POM121: variants seen among roughly 807,000 people sequenced by gnomAD.
The protein encoded by POM121 is POM121 transmembrane nucleoporin.
In POM121, 32 loss-of-function variants were observed where a neutral mutation model predicts 81.3. The ratio of observed to expected loss-of-function variants is 0.39; its 90% confidence interval spans 0.30 to 0.53. The LOEUF is 0.53. Ranked by LOEUF, POM121 falls within the 20% of genes least tolerant of loss-of-function variation. The pLI, the probability that POM121 is intolerant of heterozygous loss-of-function variation, is 0.66. For missense variants in POM121, 1,138 were observed against 1,614.6 expected (o/e 0.70, Z 5.06); for synonymous variants, 514 against 694.2 (o/e 0.74, Z 4.08).
In POM121 at chr7:72,925,232, G is replaced by A. The variant is rs1554496891; in HGVS notation, c.111G>A (p.Leu37=). 4 of 1,533,594 alleles carry A rather than the reference G, an allele frequency of 2.6e-6. No homozygotes were observed. The highest frequency in any genetic ancestry group is 2.6e-6 in the Non-Finnish European group (3 of 1,146,084). 95.0% of individuals were successfully genotyped at this position (1,533,594 alleles called of 1,614,324 possible). The change falls in exon 1 of 13, where the codon CTG becomes CTA. Residue 37 remains leucine, a synonymous_variant. Coordinates refer to ENST00000434423, the MANE Select transcript of POM121 (RefSeq NM_001387691.1). ...GCGGPARAVL[L]GLSLVGLLLY... ...GCGGGCCGGCCAGGGCGGTGCTCCTGGGCCTGTCGCTGGTTGGCCTCTTAC... is the reference window on the plus strand; with the variant it reads ...GCGGGCCGGCCAGGGCGGTGCTCCTAGGCCTGTCGCTGGTTGGCCTCTTAC...
intron 10 of POM121, 106 bp from the exon 11 acceptor site, chr7:72,941,731 C>G: frequency 7.3e-7 from 1 of 1,370,008 alleles, no homozygotes; most frequent in Non-Finnish European, 1.0e-6. Flanking sequence ...TTGACTGACT[C>G]TTGGATCCCA....
At chr7:72,895,645 C>T (rs1416378571) in intron 3 of POM121, among the ~76,000 whole-genome samples, 3 of 152,142 alleles carry the variant, frequency 2.0e-5, no homozygotes. Flanking sequence ...TTAGGCCGGG[C>T]GCAGTGGCTC....
chr7:72,893,400 G>A (rs1471694128), intron 3 of POM121, among the ~76,000 whole-genome samples: 2 of 151,802 alleles, frequency 1.3e-5, no homozygotes, highest in South Asian at 2.1e-4. Context: ...TGGCAAACAC[G>A]GTGAAACCCC....
chr7:72,930,540 G>A (rs1554498424), intron 5 of POM121, among the ~76,000 whole-genome samples: 1 of 152,242 alleles, frequency 6.6e-6, no homozygotes, highest in Non-Finnish European at 1.5e-5. Context: ...AAGGTAGACT[G>A]AGTCCAGCTT....
chr7:72,948,834 G>A (rs374816821), downstream of POM121: 4 of 1,545,240 alleles, frequency 2.6e-6, no homozygotes, highest in Non-Finnish European at 2.7e-6. Context: ...CCCCAATGCT[G>A]GGTAAGAGAG....
intron 3 of POM121, among the ~76,000 whole-genome samples, chr7:72,894,982 C>T (rs1303904450): frequency 4.3e-4 from 66 of 152,242 alleles, no homozygotes; most frequent in South Asian, 1.7e-3. Flanking sequence ...CTGCCCACCA[C>T]GCCCAGCTAA....
In POM121 at chr7:72,947,013, C is replaced by CTG; in HGVS notation, c.*779_*780insTG. On this transcript the variant is annotated 3_prime_UTR_variant, in exon 13 of 13. Transcript: ENST00000434423. ...CACCGCTGCTTCAGCTGCCTCCTCGCCCAGCTACCCTTTGGCCCCATTGGG... is the reference window on the plus strand; with the variant it reads ...CACCGCTGCTTCAGCTGCCTCCTCGCTGCCAGCTACCCTTTGGCCCCATTGGG... 1.1e-6 allele frequency: 1 copy of CTG among 923,046 alleles called. No individual in the cohort carries two copies. Among genetic ancestry groups the CTG allele is most frequent in the Non-Finnish European group, 1.3e-6 (1 of 788,420 alleles). The allele number at this position is 923,046 out of a possible 1,614,324, so 57.2% of individuals were successfully genotyped here.
chr7:72,936,524 A>G (rs1796526803), intron 5 of POM121, among the ~76,000 whole-genome samples: 1 of 152,080 alleles, frequency 6.6e-6, no homozygotes, highest in Non-Finnish European at 1.5e-5. Context: ...TGATCCGCCC[A>G]CCTTGGCCTC....
intron 1 of POM121, among the ~76,000 whole-genome samples, chr7:72,881,094 A>T: frequency 8.3e-6 from 1 of 120,356 alleles, no homozygotes; most frequent in African/African-American, 3.1e-5. Flanking sequence ...TTTTTGAGAC[A>T]GTGTCTCTCA....
intron 3 of POM121, among the ~76,000 whole-genome samples, chr7:72,899,307 C>T (rs1379766185): frequency 3.3e-5 from 5 of 151,936 alleles, no homozygotes; most frequent in African/African-American, 4.8e-5. Context: ...TTCTGATACC[C>T]GCAGCACATT....
chr7:72,897,458 A>G (rs1179628648), intron 3 of POM121, among the ~76,000 whole-genome samples: 2 of 152,226 alleles, frequency 1.3e-5, no homozygotes, highest in Non-Finnish European at 2.9e-5. Flanking sequence ...GGGAGCAGGG[A>G]GTCATGTCAC....
In POM121 at chr7:72,945,638, A is replaced by G. The variant is rs532989829; in HGVS notation, c.3582A>G (p.Thr1194=). The part of the protein sequence containing the change: ...GLNTPAPGVG[T]SGSSLSFGAS... ...ACACCCCTGCGCCTGGAGTGGGCAC[A>G]TCAGGCAGCAGCCTCTCCTTTGGGG... is the stretch of plus-strand genomic sequence containing the variant. Residue 1194 remains threonine, a synonymous_variant, in exon 12 of 13, where the codon ACA becomes ACG. Coordinates refer to ENST00000434423, the MANE Select transcript of POM121 (RefSeq NM_001387691.1). The G allele has an allele frequency of 2.5e-5, 40 of 1,612,950 alleles. No homozygotes were observed. The highest frequency in any genetic ancestry group is 2.0e-4 in the African/African-American group (15 of 74,994).
At chr7:72,899,396 A>T (rs1375836922) in intron 3 of POM121, among the ~76,000 whole-genome samples, 4 of 152,116 alleles carry the variant, frequency 2.6e-5, no homozygotes, top group Non-Finnish European at 5.9e-5. Context: ...CTGTATCCCC[A>T]ATACCTAGCA....
downstream of POM121, chr7:72,948,647 A>T (rs782258297): frequency 1.2e-6 from 2 of 1,604,582 alleles, no homozygotes; most frequent in East Asian, 4.5e-5. Context: ...GCGCCTCCCA[A>T]GCATGCCCCC....
chr7:72,924,867 T>G, upstream of POM121: 2 of 508,178 alleles, frequency 3.9e-6, no homozygotes, highest in Non-Finnish European at 6.4e-6. Context: ...CTCGGGCCCT[T>G]TTATCTTGGA....
At chr7:72,893,385 C>T (rs1440338450) in intron 3 of POM121, among the ~76,000 whole-genome samples, 3 of 151,852 alleles carry the variant, frequency 2.0e-5, no homozygotes, top group Non-Finnish European at 2.9e-5. Flanking sequence ...AGATCGAGAC[C>T]ATCCTGGCAA....
chr7:72,912,185 G>A (rs555449317), intron 3 of POM121, among the ~76,000 whole-genome samples: 21 of 152,208 alleles, frequency 1.4e-4, no homozygotes, highest in East Asian at 3.9e-4. Flanking sequence ...GAGCCACTGC[G>A]CCTGGCCTGG....
downstream of POM121, chr7:72,950,213 A>G: frequency 6.2e-7 from 1 of 1,608,744 alleles, no homozygotes; most frequent in Non-Finnish European, 8.5e-7. Context: ...GGGAAGAACC[A>G]TTCATTCATC....
In POM121 at chr7:72,925,410, C is replaced by G. The variant is rs1795298792; in HGVS notation, c.289C>G (p.Arg97Gly). 5 of 1,533,912 alleles carry G rather than the reference C, an allele frequency of 3.3e-6. No individual in the cohort carries two copies. The highest frequency in any genetic ancestry group is 4.4e-6 in the Non-Finnish European group (5 of 1,146,602). The stretch of plus-strand genomic sequence containing the variant: ...TCGGCGCCCCTTGTCCTCCTTCGTT[C>G]GGAAGGCGCGTCATCGGCGAACACT... ...RHRRPLSSFVRKARHRRTLFA... is the reference protein window; with the variant it reads ...RHRRPLSSFVGKARHRRTLFA... The change falls in exon 1 of 13, where the codon CGG (arginine) becomes GGG (glycine). Residue 97 changes from arginine (R) to glycine (G), a missense_variant. Coordinates refer to ENST00000434423, the MANE Select transcript of POM121 (RefSeq NM_001387691.1).
Sources: gnomAD v4.1 joint callset for allele counts (sites outside exome capture counted in the v4.1 genomes callset) on GRCh38, gnomAD v4.1.1 for gene constraint, MANE v1.5 for transcripts, NCBI Gene and HGNC (gene_info 2026-07-23, HGNC 2026-07-21) for gene names.